The following SHANK2 variants were observed in gnomAD, a reference collection of about 807,000 sequenced individuals.
SHANK2 encodes the protein SH3 and multiple ankyrin repeat domains 2.
Under a neutral mutation model 133.7 loss-of-function variants are expected in SHANK2, and 43 were observed. That is an observed-to-expected ratio of 0.32 (90% confidence interval 0.25 to 0.41). The LOEUF is 0.41. SHANK2 is among the 10% of genes least tolerant of loss of function. The pLI, the probability that SHANK2 is intolerant of heterozygous loss-of-function variation, is 1.00. For synonymous variants in SHANK2, 1,017 were observed against 952.8 expected (o/e 1.07, Z -1.24); for missense variants, 1,994 against 2,235.8 (o/e 0.89, Z 2.18).
chr11:70,529,583 C>T (rs1048492276), intron 17 of SHANK2, among the ~76,000 whole-genome samples: 10 of 152,258 alleles, frequency 6.6e-5, no homozygotes, highest in African/African-American at 2.4e-4. Flanking sequence ...TGGCCTAACA[C>T]TGACCATTGA....
intron 14 of SHANK2, among the ~76,000 whole-genome samples, chr11:70,782,826 T>C (rs999466700): frequency 2.0e-5 from 3 of 152,108 alleles, no homozygotes; most frequent in Non-Finnish European, 2.9e-5. Flanking sequence ...CACAACCATA[T>C]CATCATCGCA....
At chr11:70,687,822 G>T (rs1422632052) in intron 15 of SHANK2, among the ~76,000 whole-genome samples, 1 of 152,206 alleles carries the variant, frequency 6.6e-6, no homozygotes, top group African/African-American at 2.4e-5. Flanking sequence ...CCTCAGTGGG[G>T]CCCTGCCTGA....
At chr11:70,776,692 C>G (rs1458778105) in intron 14 of SHANK2, among the ~76,000 whole-genome samples, 1 of 152,048 alleles carries the variant, frequency 6.6e-6, no homozygotes. Context: ...AGTCACCCAT[C>G]CTCCCACCTA....
At chr11:71,248,774 C>A (rs1555125388) in intron 1 of SHANK2, among the ~76,000 whole-genome samples, 1 of 152,130 alleles carries the variant, frequency 6.6e-6, no homozygotes, top group African/African-American at 2.4e-5. Context: ...ATCAAACAAC[C>A]CAGACCTCTT....
chr11:70,615,124 C>T (rs1375343075), intron 17 of SHANK2, among the ~76,000 whole-genome samples: 5 of 152,240 alleles, frequency 3.3e-5, no homozygotes, highest in African/African-American at 1.2e-4. Flanking sequence ...GAACTCAACA[C>T]TCAGCCTCCC....
At chr11:71,125,245 G>A (rs1555102418) in intron 3 of SHANK2, among the ~76,000 whole-genome samples, 1 of 152,136 alleles carries the variant, frequency 6.6e-6, no homozygotes. Flanking sequence ...TCAAAAGCTA[G>A]GAGTGATTAA....
At chr11:70,693,833 T>A (rs1945337591) in intron 15 of SHANK2, among the ~76,000 whole-genome samples, 1 of 152,076 alleles carries the variant, frequency 6.6e-6, no homozygotes, top group Non-Finnish European at 1.5e-5. Context: ...GATGAAGAGA[T>A]ACATATGGAT....
In SHANK2 at chr11:71,141,156, G is replaced by A. The variant is rs560821285; in HGVS notation, c.207+5964C>T. 2.0e-4 allele frequency among the ~76,000 whole-genome samples: 31 copies of A among 152,322 alleles called. No homozygotes were observed. The South Asian group carries it at 2.3e-3, about 11-fold the overall frequency. On this transcript the variant is annotated intron_variant, in intron 3 of 25. Coordinates refer to ENST00000601538, the MANE Select transcript of SHANK2 (RefSeq NM_012309.5). ...ACCTGCAGGTTACATGCTGCGTTCCGTTTGAGTGTACGGGACACATGCCCT... is the reference window on the plus strand; with the variant it reads ...ACCTGCAGGTTACATGCTGCGTTCCATTTGAGTGTACGGGACACATGCCCT...
intron 17 of SHANK2, among the ~76,000 whole-genome samples, chr11:70,550,472 A>T (rs1372970080): frequency 6.6e-6 from 1 of 152,088 alleles, no homozygotes; most frequent in Non-Finnish European, 1.5e-5. Context: ...CCTGCTTCTC[A>T]CTATACCAGG....
In SHANK2 at chr11:70,661,579, A is replaced by T; in HGVS notation, c.1936+17T>A. ...CAAACATGGGAACATATTCAGGCTC[A>T]GAGCGGCTGCTCTTACCTTTGGCCC... On this transcript the variant is annotated intron_variant, in intron 16 of 25. Coordinates refer to ENST00000601538, the MANE Select transcript of SHANK2 (RefSeq NM_012309.5). 17 of 1,606,464 alleles carry T rather than the reference A, an allele frequency of 1.1e-5. No individual in the cohort carries two copies. The highest frequency in any genetic ancestry group is 1.4e-5 in the Non-Finnish European group (17 of 1,174,160).
chr11:71,085,064 G>A (rs975726014), intron 8 of SHANK2, among the ~76,000 whole-genome samples: 2 of 152,056 alleles, frequency 1.3e-5, no homozygotes, highest in Non-Finnish European at 1.5e-5. Context: ...CCTCTGTCAT[G>A]TGCCTGGAAG....
In SHANK2 at chr11:70,739,338, A is replaced by G. The variant is rs1371650062; in HGVS notation, c.1778-40575T>C. On this transcript the variant is annotated intron_variant, in intron 14 of 25. Coordinates refer to ENST00000601538, the MANE Select transcript of SHANK2 (RefSeq NM_012309.5). This position sits in a 1 kb window ranked among gnomAD's most constrained non-coding sequence, Gnocchi z 4.3. ...CATCTCCACACATCTCCACCTCCCC[A>G]CAGAAGGGAGGAGGCCAGGAGGTGG... is the stretch of plus-strand genomic sequence containing the variant. Among the ~76,000 whole-genome samples, 1 of 152,006 alleles carries G rather than the reference A, an allele frequency of 6.6e-6. No homozygotes were observed. Among genetic ancestry groups the G allele is most frequent in the African/African-American group, 2.4e-5 (1 of 41,396 alleles).
intron 22 of SHANK2, among the ~76,000 whole-genome samples, chr11:70,491,815 C>T (rs1431626829): frequency 6.6e-6 from 1 of 152,226 alleles, no homozygotes; most frequent in Non-Finnish European, 1.5e-5. Flanking sequence ...GGAAGGTGAC[C>T]ATGGCACGGG....
At chr11:71,190,313 G>A (rs971301469) in intron 2 of SHANK2, among the ~76,000 whole-genome samples, 18 of 152,194 alleles carry the variant, frequency 1.2e-4, no homozygotes, top group Non-Finnish European at 2.4e-4. Flanking sequence ...GAAGGCTTTC[G>A]CTTCTTGTGT....
chr11:70,798,202 G>T (rs1565323427), intron 14 of SHANK2, among the ~76,000 whole-genome samples: 1 of 152,154 alleles, frequency 6.6e-6, no homozygotes, highest in Non-Finnish European at 1.5e-5. Flanking sequence ...TTTCTGGGAC[G>T]TGTACTGAGC....
intron 13 of SHANK2, among the ~76,000 whole-genome samples, chr11:70,801,482 G>C (rs782571315): frequency 2.0e-5 from 3 of 152,230 alleles, no homozygotes; most frequent in Non-Finnish European, 4.4e-5. Context: ...TTTGTGCCTT[G>C]AGTGCCTCCC....
intron 11 of SHANK2, among the ~76,000 whole-genome samples, chr11:70,876,588 T>TACAC (rs3064230): frequency 2.1e-4 from 29 of 135,360 alleles, no homozygotes; most frequent in African/African-American, 5.4e-4. Context: ...AAAAAAATTA[T>TACAC]ACACACACAC....
At chr11:71,145,946 C>A (rs1333758535) in intron 3 of SHANK2, among the ~76,000 whole-genome samples, 7 of 152,164 alleles carry the variant, frequency 4.6e-5, no homozygotes, top group Admixed American at 3.9e-4. Flanking sequence ...CTGAGGGAGA[C>A]CCTTCTAGAA....
chr11:70,699,117 A>G (rs1555023062), intron 14 of SHANK2, among the ~76,000 whole-genome samples: 1 of 152,170 alleles, frequency 6.6e-6, no homozygotes, highest in Admixed American at 6.5e-5. Flanking sequence ...TGGCTCATGG[A>G]ATCCACTAGA....
Sources: gnomAD v4.1 joint callset for allele counts (sites outside exome capture counted in the v4.1 genomes callset) on GRCh38, gnomAD v4.1.1 for gene constraint, Gnocchi (gnomAD v3.1) non-coding constraint, MANE v1.5 for transcripts, NCBI Gene and HGNC (gene_info 2026-07-23, HGNC 2026-07-21) for gene names.